PLEKHA7: variants seen among roughly 807,000 people sequenced by gnomAD.
The protein encoded by PLEKHA7 is pleckstrin homology domain-containing family A member 7.
PLEKHA7 carries 104 observed loss-of-function variants against 170.0 expected under a neutral mutation model. The ratio of observed to expected loss-of-function variants is 0.61; its 90% CI spans 0.52 to 0.72. The LOEUF (loss-of-function observed/expected upper bound fraction) is 0.72. Ranked by LOEUF, PLEKHA7 falls within the 30% of genes least tolerant of loss-of-function variation. The probability of loss-of-function intolerance (pLI) is 0.00; values close to 1 mark genes in which losing one functional copy is unlikely to be tolerated. For synonymous variants in PLEKHA7, 648 were observed against 660.8 expected (o/e 0.98, Z 0.30); for missense variants, 1,615 against 1,671.7 (o/e 0.97, Z 0.59).
Position 16,801,714 on chromosome 11 carries a change from T to C in PLEKHA7, c.2261A>G (p.Gln754Arg). 6.2e-7 allele frequency: 1 copy of C among 1,614,162 alleles called. No individual in the cohort carries two copies. The highest frequency in any genetic ancestry group is 8.5e-7 in the Non-Finnish European group (1 of 1,180,022). ...AGCTCGGATATGGACAAGGTCCTCC[T>C]GCAGCAACTTCTGCTGGTAGGCAAT... ...EKIAYQQKLL[Q>R]EDLVHIRAEL... The change falls in exon 16 of 27, where the codon CAG becomes CGG. Residue 754 changes from glutamine (Q) to arginine (R), a missense_variant. Gln to Arg is a conservative substitution (Grantham distance 43). Coordinates refer to ENST00000531066, the MANE Select transcript of PLEKHA7 (RefSeq NM_001329630.2).
rs535850477 is a variant in PLEKHA7, at chr11:16,848,358, C to T, written c.696+2833G>A. ...AAACAGAACTACATAAGTGAAAAAC[C>T]ATGCCTCTTGGCATGCCTTCAGAAT... On this transcript the variant is annotated intron_variant, in intron 8 of 26. Transcript: ENST00000531066. Among the ~76,000 whole-genome samples the T allele has an allele frequency of 3.9e-5, 6 of 152,366 alleles. No homozygotes were observed. In the East Asian group the frequency reaches 1.2e-3, roughly 29 times the overall value.
intron 3 of PLEKHA7, among the ~76,000 whole-genome samples, chr11:16,974,461 C>T (rs1369212406): frequency 1.3e-5 from 2 of 152,160 alleles, no homozygotes; most frequent in African/African-American, 4.8e-5. Flanking sequence ...GTCATCCTTG[C>T]GCAGGGGCCA....
Position 16,800,968 on chromosome 11 carries a change from G to C in PLEKHA7, c.2409+6C>G. ...GCTCAGAAGAGATGGACAGGTATCA[G>C]GTCACCTGGAAAAAAAAGGCTCTTC... On this transcript the variant is annotated splice_donor_region_variant and intron_variant, in intron 17 of 26. Coordinates refer to ENST00000531066, the MANE Select transcript of PLEKHA7 (RefSeq NM_001329630.2). 1 of 1,610,334 alleles carries C rather than the reference G, an allele frequency of 6.2e-7. No individual in the cohort carries two copies. The highest frequency in any genetic ancestry group is 1.1e-5 in the South Asian group (1 of 91,006).
intron 3 of PLEKHA7, among the ~76,000 whole-genome samples, chr11:17,004,967 T>TCTTA (rs1864894880): frequency 6.6e-6 from 1 of 152,218 alleles, no homozygotes; most frequent in Non-Finnish European, 1.5e-5. Flanking sequence ...GATGATGCTG[T>TCTTA]CTTACACTGA....
intron 4 of PLEKHA7, among the ~76,000 whole-genome samples, chr11:16,856,727 T>C (rs540838270): frequency 6.6e-6 from 1 of 152,264 alleles, no homozygotes; most frequent in East Asian, 1.9e-4. Context: ...TGCCAGTCTT[T>C]CAAGGCAGCG....
intron 3 of PLEKHA7, among the ~76,000 whole-genome samples, chr11:17,000,959 G>T (rs1316624876): frequency 6.6e-6 from 1 of 152,116 alleles, no homozygotes; most frequent in East Asian, 1.9e-4. Context: ...TTTATCTAAG[G>T]TCTGTCCCTA....
chr11:16,792,246 G>A (rs1352784764), intron 19 of PLEKHA7, among the ~76,000 whole-genome samples: 1 of 152,166 alleles, frequency 6.6e-6, no homozygotes, highest in Non-Finnish European at 1.5e-5. Context: ...GCCTTTGATT[G>A]AATGGAATGT....
In PLEKHA7 at chr11:16,833,565, C is replaced by T. The variant is rs139512004; in HGVS notation, c.873-6975G>A. Among the ~76,000 whole-genome samples, 578 of 152,278 alleles carry T rather than the reference C, an allele frequency of 3.8e-3. 1 individual carries two copies. The highest frequency in any genetic ancestry group is 0.013 in the African/African-American group (540 of 41,556). On this transcript the variant is annotated intron_variant, in intron 9 of 26. Coordinates refer to ENST00000531066, the MANE Select transcript of PLEKHA7 (RefSeq NM_001329630.2). ...CCCCAGGGAAACCAGCACTCCCGTT[C>T]TGGGAGATACATTTTTTTAATGGCC...
chr11:16,813,448 A>G (rs925898682), intron 12 of PLEKHA7: 2 of 369,956 alleles, frequency 5.4e-6, no homozygotes, highest in Non-Finnish European at 1.0e-5. Context: ...GGGCTAGGGT[A>G]GCTGAGGCAG....
At chr11:16,953,206 G>C (rs1038846245) in intron 3 of PLEKHA7, among the ~76,000 whole-genome samples, 1 of 152,234 alleles carries the variant, frequency 6.6e-6, no homozygotes, top group Non-Finnish European at 1.5e-5. Context: ...GTAAAGGCAT[G>C]GTGAGGATAC....
intron 3 of PLEKHA7, chr11:16,974,586 T>C (rs901656628): frequency 2.4e-6 from 1 of 411,820 alleles, no homozygotes; most frequent in Non-Finnish European, 3.8e-6. Flanking sequence ...GACATGGTAA[T>C]ACTATTAACT....
intron 4 of PLEKHA7, among the ~76,000 whole-genome samples, chr11:16,863,119 A>T (rs1322968487): frequency 6.6e-6 from 1 of 152,146 alleles, no homozygotes; most frequent in Non-Finnish European, 1.5e-5. Flanking sequence ...GCCATCTCCT[A>T]GCAGCAAGTG....
At chr11:16,979,312 G>A (rs1007913386) in intron 3 of PLEKHA7, among the ~76,000 whole-genome samples, 2 of 152,176 alleles carry the variant, frequency 1.3e-5, no homozygotes, top group Non-Finnish European at 2.9e-5. Flanking sequence ...ACAGGCATGA[G>A]CCACCGCATC....
At chr11:16,827,149 C>T (rs1006232790) in intron 9 of PLEKHA7, among the ~76,000 whole-genome samples, 6 of 152,202 alleles carry the variant, frequency 3.9e-5, no homozygotes, top group African/African-American at 9.6e-5. Context: ...GGATCCCTCC[C>T]ACTGGTGTCT....
At chr11:16,877,838 A>G (rs1854752011) in intron 3 of PLEKHA7, among the ~76,000 whole-genome samples, 1 of 152,224 alleles carries the variant, frequency 6.6e-6, no homozygotes, top group South Asian at 2.1e-4. Context: ...CCATTTGCAA[A>G]TAGGGGATAA....
intron 17 of PLEKHA7, among the ~76,000 whole-genome samples, chr11:16,796,868 A>T (rs1416797432): frequency 1.3e-4 from 20 of 151,970 alleles, no homozygotes; most frequent in Non-Finnish European, 1.2e-4. Context: ...GGGTCTTGTT[A>T]TGTTGCCCAG....
intron 3 of PLEKHA7, among the ~76,000 whole-genome samples, chr11:16,992,083 C>CA (rs1554993243): frequency 2.6e-5 from 4 of 152,080 alleles, no homozygotes; most frequent in Non-Finnish European, 4.4e-5. Flanking sequence ...GGACCCCCCC[C>CA]AGCCTGGGCA....
chr11:16,952,253 C>T (rs1254441614), intron 3 of PLEKHA7, among the ~76,000 whole-genome samples: 2 of 152,012 alleles, frequency 1.3e-5, no homozygotes, highest in African/African-American at 2.4e-5. Flanking sequence ...TTGGGTATTC[C>T]TAAAGGGGTA....
At chr11:16,913,147 G>GC (rs1858373599) in intron 3 of PLEKHA7, among the ~76,000 whole-genome samples, 1 of 152,074 alleles carries the variant, frequency 6.6e-6, no homozygotes, top group African/African-American at 2.4e-5. Flanking sequence ...GTTCTCAAAC[G>GC]CCCCTCCTTG....
Sources: allele counts gnomAD v4.1 joint callset (sites outside exome capture counted in the v4.1 genomes callset), GRCh38; gene constraint gnomAD v4.1.1; transcripts MANE v1.5; gene names NCBI Gene and HGNC (gene_info 2026-07-23, HGNC 2026-07-21).